NPAS3: variants seen among roughly 807,000 people sequenced by gnomAD.
NPAS3 encodes neuronal PAS domain-containing protein 3.
Under a neutral mutation model 73.1 loss-of-function variants are expected in NPAS3, and 14 were observed. That is an observed-to-expected ratio of 0.19 (90% confidence interval 0.13 to 0.30). The LOEUF (loss-of-function observed/expected upper bound fraction) is 0.30. NPAS3 is among the 10% of genes least tolerant of loss of function. The pLI, the probability that NPAS3 is intolerant of heterozygous loss-of-function variation, is 1.00. For synonymous variants in NPAS3, 620 were observed against 541.5 expected (o/e 1.14, Z -2.01); for missense variants, 1,096 against 1,250.0 (o/e 0.88, Z 1.86).
chr14:33,604,202 C>T (rs1414992829), intron 5 of NPAS3, among the ~76,000 whole-genome samples: 1 of 151,924 alleles, frequency 6.6e-6, no homozygotes, highest in East Asian at 1.9e-4. Context: ...TAAATTGAAA[C>T]TCAACTTAAA....
chr14:33,573,864 G>A (rs765977680), intron 5 of NPAS3, among the ~76,000 whole-genome samples: 34 of 152,132 alleles, frequency 2.2e-4, no homozygotes, highest in African/African-American at 3.4e-4. Context: ...AGAGGTGAAA[G>A]GTAATTACAT....
intron 2 of NPAS3, among the ~76,000 whole-genome samples, chr14:33,145,118 A>G (rs1243552719): frequency 6.6e-6 from 1 of 152,176 alleles, no homozygotes; most frequent in Non-Finnish European, 1.5e-5. Flanking sequence ...TTTGTTTAAG[A>G]TAAGCTGGTT....
intron 2 of NPAS3, among the ~76,000 whole-genome samples, chr14:33,115,249 G>A (rs780519309): frequency 2.0e-5 from 3 of 152,108 alleles, no homozygotes; most frequent in Non-Finnish European, 2.9e-5. Flanking sequence ...ACTTTTGAGA[G>A]AAACGTTTCA....
intron 5 of NPAS3, among the ~76,000 whole-genome samples, chr14:33,668,597 CTTGAGGCCAGCAGT>C (rs2059523302): frequency 6.6e-6 from 1 of 152,204 alleles, no homozygotes; most frequent in Admixed American, 6.5e-5. Context: ...AGGCCGATCA[CTTGAGGCCAGCAGT>C]TTGAGACCAG....
exon 10 of NPAS3, chr14:33,794,026 G>C (rs1267694119): frequency 6.2e-7 from 1 of 1,612,932 alleles, no homozygotes; most frequent in Non-Finnish European, 8.5e-7. Context: ...AATATCATCT[G>C]GGTGAATTAC....
intron 2 of NPAS3, among the ~76,000 whole-genome samples, chr14:33,082,659 G>A (rs948282258): frequency 6.6e-6 from 1 of 152,182 alleles, no homozygotes; most frequent in Non-Finnish European, 1.5e-5. Flanking sequence ...AGGATAGGAA[G>A]TATAAAGCAG....
chr14:33,773,302 C>A (rs1288779845), intron 7 of NPAS3, among the ~76,000 whole-genome samples: 1 of 152,140 alleles, frequency 6.6e-6, no homozygotes, highest in African/African-American at 2.4e-5. Context: ...AACTGAGCTC[C>A]ATGGTACTGT....
At chr14:33,667,715 G>GAAAT (rs1567107750) in intron 5 of NPAS3, among the ~76,000 whole-genome samples, 1 of 152,058 alleles carries the variant, frequency 6.6e-6, no homozygotes, top group African/African-American at 2.4e-5. Context: ...TAATTCACAA[G>GAAAT]AAATAAATTA....
intron 4 of NPAS3, among the ~76,000 whole-genome samples, chr14:33,369,081 C>T (rs1463487940): frequency 6.6e-6 from 1 of 152,010 alleles, no homozygotes; most frequent in East Asian, 1.9e-4. Flanking sequence ...AACATAAATT[C>T]AGTATAAATA....
At chr14:33,070,533 G>A (rs1181605340) in intron 2 of NPAS3, among the ~76,000 whole-genome samples, 1 of 152,160 alleles carries the variant, frequency 6.6e-6, no homozygotes, top group Non-Finnish European at 1.5e-5. Context: ...TGCAGACAGT[G>A]GCTGTCAATG....
At chr14:33,716,063 G>A (rs1477257980) in intron 6 of NPAS3, among the ~76,000 whole-genome samples, 1 of 152,184 alleles carries the variant, frequency 6.6e-6, no homozygotes, top group Non-Finnish European at 1.5e-5. Flanking sequence ...ACAGCAGTGT[G>A]AGAACAGACT....
chr14:33,145,811 G>A (rs1290919869), intron 2 of NPAS3, among the ~76,000 whole-genome samples: 2 of 152,104 alleles, frequency 1.3e-5, no homozygotes, highest in East Asian at 1.9e-4. Context: ...ACAGACTATC[G>A]GACCAAGAAA....
At chr14:33,019,092 C>A (rs2039498134) in intron 1 of NPAS3, among the ~76,000 whole-genome samples, 1 of 152,196 alleles carries the variant, frequency 6.6e-6, no homozygotes, top group Non-Finnish European at 1.5e-5. Context: ...AGATTCATAA[C>A]ATTCTGTTAG....
At chr14:33,138,667 A>C (rs1266753137) in intron 2 of NPAS3, among the ~76,000 whole-genome samples, 3 of 152,164 alleles carry the variant, frequency 2.0e-5, no homozygotes, top group African/African-American at 7.2e-5. Context: ...AAGGAAATAA[A>C]ATGGTGTCTA....
chr14:33,255,033 G>C (rs558793004), intron 3 of NPAS3, among the ~76,000 whole-genome samples: 30 of 152,118 alleles, frequency 2.0e-4, no homozygotes, highest in African/African-American at 7.2e-4. Flanking sequence ...TTAAGGATAC[G>C]TTGGCCAGGA....
At chr14:33,325,154 A>AT (rs1000428308) in intron 3 of NPAS3, among the ~76,000 whole-genome samples, 2 of 151,572 alleles carry the variant, frequency 1.3e-5, no homozygotes, top group South Asian at 2.1e-4. Context: ...TGATGAACCA[A>AT]TTTTTTTTTT....
chr14:33,671,931 C>T (rs923457107), intron 5 of NPAS3, among the ~76,000 whole-genome samples: 7 of 152,124 alleles, frequency 4.6e-5, no homozygotes, highest in Non-Finnish European at 1.0e-4. Context: ...GAAAGCTCTA[C>T]TTTTCCATTA....
intron 2 of NPAS3, among the ~76,000 whole-genome samples, chr14:33,169,938 A>G (rs1174731179): frequency 6.6e-6 from 1 of 152,230 alleles, no homozygotes; most frequent in African/African-American, 2.4e-5. Flanking sequence ...TACATCAGTG[A>G]AAAGTGACCT....
intron 3 of NPAS3, among the ~76,000 whole-genome samples, chr14:33,344,349 C>T (rs1566815812): frequency 6.6e-6 from 1 of 152,186 alleles, no homozygotes; most frequent in Non-Finnish European, 1.5e-5. Context: ...CTGTGGGAAG[C>T]ATTTCTCTTT....
Sources: gnomAD v4.1 joint callset for allele counts (sites outside exome capture counted in the v4.1 genomes callset) on GRCh38, gnomAD v4.1.1 for gene constraint, MANE v1.5 for transcripts, NCBI Gene and HGNC (gene_info 2026-07-23, HGNC 2026-07-21) for gene names.